ROR1: variants seen among roughly 807,000 people sequenced by gnomAD.
ROR1 encodes the protein inactive tyrosine-protein kinase transmembrane receptor ROR1.
A neutral mutation model predicts 78.8 loss-of-function variants in ROR1; 19 were observed. The observed-to-expected ratio is 0.24, with a 90% CI of 0.17 to 0.35. ROR1 has a LOEUF of 0.35. Ranked by LOEUF, ROR1 falls within the 10% of genes least tolerant of loss-of-function variation. ROR1 has a pLI of 1.00. For missense variants in ROR1, 917 were observed against 1,177.8 expected (o/e 0.78, Z 3.24); for synonymous variants, 386 against 433.6 (o/e 0.89, Z 1.36).
At chr1:63,938,173 T>C (rs1434278968) in intron 1 of ROR1, among the ~76,000 whole-genome samples, 2 of 152,208 alleles carry the variant, frequency 1.3e-5, no homozygotes, top group Non-Finnish European at 1.5e-5. Flanking sequence ...GTGCTTTATA[T>C]GAGCAGAATT....
At chr1:63,783,975 C>A (rs1644668962) in intron 1 of ROR1, among the ~76,000 whole-genome samples, 1 of 152,050 alleles carries the variant, frequency 6.6e-6, no homozygotes, top group African/African-American at 2.4e-5. Flanking sequence ...AGGATTTGAA[C>A]CTGCATATCC....
chr1:63,996,839 G>A (rs1333626553), intron 1 of ROR1, among the ~76,000 whole-genome samples: 2 of 152,068 alleles, frequency 1.3e-5, no homozygotes, highest in African/African-American at 4.8e-5. Flanking sequence ...CCAGGATTGG[G>A]TGAGGAGAGA....
At position 63,774,702 on chromosome 1, in the gene ROR1, C is replaced by T. The variant is rs950862243; in HGVS notation, c.91+194C>T. 6.6e-6 allele frequency among the ~76,000 whole-genome samples: 1 copy of T among 151,260 alleles called. No individual in the cohort carries two copies. Among genetic ancestry groups the T allele is most frequent in the Non-Finnish European group, 1.5e-5 (1 of 67,800 alleles). ...AGCCCCGCCAGGCCAGGGTTTGCCC[C>T]GGAGCCCCGCGGCGGGCCGGGGCGC... On this transcript the variant is annotated intron_variant, in intron 1 of 8. Coordinates refer to ENST00000371079, the MANE Select transcript of ROR1 (RefSeq NM_005012.4). This position sits in a 1 kb window ranked among gnomAD's most constrained non-coding sequence, Gnocchi z 5.7.
rs1401955620 is a variant in ROR1 at position 63,875,217 on chromosome 1, G to GTTATTA, written c.91+100710_91+100711insTATTAT. 4.0e-5 allele frequency among the ~76,000 whole-genome samples: 6 copies of GTTATTA among 151,894 alleles called. No individual in the cohort carries two copies. The South Asian group carries it at 8.5e-4, about 21-fold the overall frequency. On this transcript the variant is annotated intron_variant, in intron 1 of 8. Transcript: ENST00000371079. ...CTTATTTATACAGTTATTATAAGGA[G>GTTATTA]TAAATAAATTAGTTTGTGCTGAGTG...
chr1:63,792,016 A>G (rs183577480), intron 1 of ROR1, among the ~76,000 whole-genome samples: 1 of 152,280 alleles, frequency 6.6e-6, no homozygotes, highest in East Asian at 1.9e-4. Flanking sequence ...ATACAGAAAT[A>G]TACATGACAG....
chr1:63,921,091 T>G (rs1645650820), intron 1 of ROR1, among the ~76,000 whole-genome samples: 1 of 152,206 alleles, frequency 6.6e-6, no homozygotes, highest in Non-Finnish European at 1.5e-5. Flanking sequence ...TATGTAGTGC[T>G]TACTGTGTGC....
At chr1:64,079,131 C>T (rs834342) in intron 4 of ROR1, among the ~76,000 whole-genome samples, 127,933 of 152,148 alleles carry the variant, frequency 0.84, 54,225 homozygotes, top group African/African-American at 0.95. Context: ...CTTCAGGAGA[C>T]AGAACGAGGT....
intron 8 of ROR1, among the ~76,000 whole-genome samples, chr1:64,166,381 A>G (rs891408529): frequency 1.3e-5 from 2 of 152,104 alleles, no homozygotes; most frequent in African/African-American, 4.8e-5. Context: ...AGTTTTCTCT[A>G]GTTCTGTGAA....
At chr1:63,953,296 C>T (rs570505734) in intron 1 of ROR1, among the ~76,000 whole-genome samples, 1 of 152,112 alleles carries the variant, frequency 6.6e-6, no homozygotes, top group Non-Finnish European at 1.5e-5. Context: ...CCAGCAGTCC[C>T]CTCTTATCTG....
chr1:64,111,793 A>G (rs926464102), intron 4 of ROR1, among the ~76,000 whole-genome samples: 1 of 152,236 alleles, frequency 6.6e-6, no homozygotes, highest in Non-Finnish European at 1.5e-5. Flanking sequence ...TAAAAAGCTG[A>G]TTACAAGTAA....
chr1:63,812,924 A>G (rs886194587), intron 1 of ROR1, among the ~76,000 whole-genome samples: 2 of 152,166 alleles, frequency 1.3e-5, no homozygotes, highest in African/African-American at 4.8e-5. Context: ...CACAGGGTCC[A>G]ACTCCAGGGT....
At chr1:64,060,862 T>A (rs1285175769) in intron 4 of ROR1, among the ~76,000 whole-genome samples, 1 of 152,210 alleles carries the variant, frequency 6.6e-6, no homozygotes. Context: ...CAAGCTCTTA[T>A]GTACCAATCC....
At chr1:64,163,143 G>A (rs749711652) in intron 8 of ROR1, among the ~76,000 whole-genome samples, 10 of 151,674 alleles carry the variant, frequency 6.6e-5, no homozygotes, top group Non-Finnish European at 1.5e-4. Flanking sequence ...CAGCATTTGA[G>A]GAAACCAAGC....
intron 1 of ROR1, among the ~76,000 whole-genome samples, chr1:63,876,683 CGCGT>C (rs1557539702): frequency 1.3e-5 from 1 of 74,946 alleles, no homozygotes; most frequent in African/African-American, 1.7e-4. Context: ...TGTGTGTGTG[CGCGT>C]GTGTGTGTGA....
intron 1 of ROR1, among the ~76,000 whole-genome samples, chr1:63,932,310 G>A (rs546951390): frequency 6.6e-6 from 1 of 152,112 alleles, no homozygotes; most frequent in East Asian, 1.9e-4. Context: ...TGGAGAGGAA[G>A]TGGGTTGATG....
At chr1:64,053,325 T>C (rs997503980) in intron 4 of ROR1, among the ~76,000 whole-genome samples, 6 of 152,216 alleles carry the variant, frequency 3.9e-5, no homozygotes, top group African/African-American at 1.4e-4. Flanking sequence ...GGGAAGGGCT[T>C]GTAGGGACCC....
chr1:63,962,881 G>A (rs1646041301), intron 1 of ROR1, among the ~76,000 whole-genome samples: 1 of 152,188 alleles, frequency 6.6e-6, no homozygotes, highest in South Asian at 2.1e-4. Flanking sequence ...CCTCTGAGGG[G>A]AAGGAGAAAA....
At chr1:63,894,866 A>T (rs1049732850) in intron 1 of ROR1, among the ~76,000 whole-genome samples, 4 of 152,192 alleles carry the variant, frequency 2.6e-5, no homozygotes, top group Admixed American at 6.5e-5. Context: ...CTTTGGCAAG[A>T]GTGATGCATC....
At chr1:63,788,622 T>TTATATA (rs141697301) in intron 1 of ROR1, 94 of 152,820 alleles carry the variant, frequency 6.2e-4, no homozygotes, top group African/African-American at 2.2e-3. Context: ...ATATTATATG[T>TTATATA]TATATATATA....
Sources: allele counts gnomAD v4.1 joint callset (sites outside exome capture counted in the v4.1 genomes callset), GRCh38; gene constraint gnomAD v4.1.1; non-coding constraint Gnocchi (gnomAD v3.1); transcripts MANE v1.5; gene names NCBI Gene and HGNC (gene_info 2026-07-23, HGNC 2026-07-21).